The following CREB1 variants were observed in gnomAD, a reference collection of about 807,000 sequenced individuals.
The protein encoded by CREB1 is cyclic AMP-responsive element-binding protein 1.
A neutral mutation model predicts 42.0 loss-of-function variants in CREB1; 2 were observed. That is an observed-to-expected ratio of 0.05 (90% confidence interval 0.02 to 0.15). The LOEUF (loss-of-function observed/expected upper bound fraction) is 0.15, where lower values mean the gene tolerates loss of function less well. Ranked by LOEUF, CREB1 falls within the 10% of genes least tolerant of loss-of-function variation. The pLI, the probability that CREB1 is intolerant of heterozygous loss-of-function variation, is 1.00. For synonymous variants in CREB1, 123 were observed against 139.9 expected, an observed-to-expected ratio of 0.88 and a Z score of 0.85; for missense variants, 199 against 388.9, an observed-to-expected ratio of 0.51 and a Z score of 4.11.
intron 7 of CREB1, among the ~76,000 whole-genome samples, chr2:207,592,035 G>A (rs2085140350): frequency 6.6e-6 from 1 of 152,034 alleles, no homozygotes; most frequent in Admixed American, 6.5e-5. Context: ...TAGATCTTCT[G>A]GCAATGAATT....
At chr2:207,531,694 A>G (rs2106319335) in intron 1 of CREB1, among the ~76,000 whole-genome samples, 1 of 152,338 alleles carries the variant, frequency 6.6e-6, no homozygotes, top group African/African-American at 2.4e-5. Context: ...GTGGTGCAAA[A>G]GACGAACAAG....
chr2:207,531,073 T>C (rs2080601048), intron 1 of CREB1, among the ~76,000 whole-genome samples: 1 of 152,130 alleles, frequency 6.6e-6, no homozygotes, highest in South Asian at 2.1e-4. Flanking sequence ...TGGGATCTTA[T>C]AAAAGGGAAG....
At chr2:207,596,430 TG>T (rs1455574022) in intron 7 of CREB1, among the ~76,000 whole-genome samples, 4 of 152,212 alleles carry the variant, frequency 2.6e-5, no homozygotes, top group African/African-American at 7.2e-5. Context: ...TTTATGGAGT[TG>T]TTTTTTTGTT....
chr2:207,531,144 T>G (rs1028712190), intron 1 of CREB1, among the ~76,000 whole-genome samples: 1 of 152,190 alleles, frequency 6.6e-6, no homozygotes, highest in South Asian at 2.1e-4. Context: ...TCACTTGAGA[T>G]CTATCATTCT....
At chr2:207,562,811 A>G (rs894719323) in intron 3 of CREB1, among the ~76,000 whole-genome samples, 2 of 152,194 alleles carry the variant, frequency 1.3e-5, no homozygotes, top group African/African-American at 4.8e-5. Context: ...AGTTTCCAAA[A>G]TATACAAGGT....
At position 207,555,703 on chromosome 2, in the gene CREB1, A is replaced by G. The variant is rs761256671; in HGVS notation, c.68A>G (p.Gln23Arg). ...GDAAVTEAEN[Q>R]QMTVQAQPQI... ...GCAGCTGTAACAGAAGCTGAAAACC[A>G]ACAAATGACAGTTCAAGCCCAGCCA... The change falls in exon 2 of 8, where the codon CAA (glutamine) becomes CGA (arginine). Residue 23 changes from glutamine to arginine, a missense_variant. By Grantham distance (43) the Gln-to-Arg change is conservative (BLOSUM62 1). Transcript: ENST00000353267. 2.5e-6 allele frequency: 4 copies of G among 1,613,890 alleles called. No homozygotes were observed. Among genetic ancestry groups the G allele is most frequent in the Admixed American group, 1.7e-5 (1 of 60,000 alleles).
chr2:207,602,889 C>G lies in CREB1; in HGVS notation c.*5831C>G, dbSNP rs1024246025. 4 of 217,462 alleles carry G rather than the reference C, an allele frequency of 1.8e-5. No individual in the cohort carries two copies. Among genetic ancestry groups the G allele is most frequent in the Admixed American group, 1.2e-4 (2 of 17,176 alleles). 13.5% of individuals were successfully genotyped at this position (217,462 alleles called of 1,614,324 possible). On this transcript the variant is annotated 3_prime_UTR_variant, in exon 8 of 8. Transcript: ENST00000353267. ...TTGTCCACATGTCAGTTGTAACTCC[C>G]CCACTCCCTGCAAAAGGAATTATTT...
At chr2:207,584,906 A>C (rs759775615) in intron 7 of CREB1, among the ~76,000 whole-genome samples, 1 of 152,146 alleles carries the variant, frequency 6.6e-6, no homozygotes, top group Non-Finnish European at 1.5e-5. Context: ...GCAGAGCAAA[A>C]GGTTGCCATT....
chr2:207,570,340 C>A lies in CREB1; in HGVS notation c.505+19C>A. The A allele has an allele frequency of 6.3e-7, 1 of 1,575,470 alleles. No homozygotes were observed. The stretch of plus-strand genomic sequence containing the variant: ...CAGTATAGTGAGTAATAGACAATTT[C>A]TGTTTCTATTGTGAGGAGAAAAAAG... On this transcript the variant is annotated intron_variant, in intron 5 of 7. Transcript: ENST00000353267.
intron 7 of CREB1, among the ~76,000 whole-genome samples, chr2:207,589,683 G>A (rs2084587119): frequency 6.6e-6 from 1 of 151,974 alleles, no homozygotes; most frequent in Non-Finnish European, 1.5e-5. Flanking sequence ...GTTTAATCTT[G>A]TCAAATGCTT....
intron 3 of CREB1, 42 bp downstream of exon 3, chr2:207,560,414 G>A (rs756297101): frequency 3.8e-6 from 6 of 1,578,604 alleles, no homozygotes; most frequent in African/African-American, 2.7e-5. Context: ...AATAACTTTT[G>A]TTTATAGCCA....
In CREB1 at chr2:207,577,663, T is replaced by TA; in HGVS notation, c.839+9dup. ...CCGTCTAATGAAGAACAGGTACAAA[T>TA]ACTGCATTTACTTAGATTGTTATGT... On this transcript the variant is annotated intron_variant, in intron 7 of 7. Coordinates refer to ENST00000353267, the MANE Select transcript of CREB1 (RefSeq NM_004379.5). The TA allele has an allele frequency of 6.2e-7, 1 of 1,613,624 alleles. No individual in the cohort carries two copies. Among genetic ancestry groups the TA allele is most frequent in the South Asian group, 1.1e-5 (1 of 91,054 alleles).
chr2:207,538,439 T>C (rs2080963198), intron 1 of CREB1, among the ~76,000 whole-genome samples: 1 of 151,930 alleles, frequency 6.6e-6, no homozygotes, highest in Admixed American at 6.5e-5. Flanking sequence ...AACTTACAGA[T>C]GCTAAGTTGC....
intron 1 of CREB1, among the ~76,000 whole-genome samples, chr2:207,555,218 ACT>A (rs2081668957): frequency 6.6e-6 from 1 of 151,680 alleles, no homozygotes; most frequent in East Asian, 1.9e-4. Flanking sequence ...TATCTAATAA[ACT>A]CTGTCATCAT....
chr2:207,577,684 T>G (rs2082646879), intron 7 of CREB1, 29 bp downstream of exon 7: 1 of 1,611,882 alleles, frequency 6.2e-7, no homozygotes, highest in African/African-American at 1.3e-5. Flanking sequence ...CTTAGATTGT[T>G]ATGTGTTAAG....
chr2:207,548,540 C>T (rs1410667380), intron 1 of CREB1, among the ~76,000 whole-genome samples: 1 of 152,036 alleles, frequency 6.6e-6, no homozygotes, highest in Non-Finnish European at 1.5e-5. Flanking sequence ...CACCTAAGGT[C>T]AGGAGTTTGA....
At chr2:207,560,060 G>GT (rs752564824) in intron 2 of CREB1, among the ~76,000 whole-genome samples, 166 bp from the exon 3 acceptor site, 5 of 152,210 alleles carry the variant, frequency 3.3e-5, no homozygotes, top group East Asian at 3.9e-4. Flanking sequence ...TTTTTATAGT[G>GT]TTTTTTCTTA....
chr2:207,598,480 T>C lies in CREB1; in HGVS notation c.*1422T>C. 3 of 91,352 alleles carry C rather than the reference T, an allele frequency of 3.3e-5. No homozygotes were observed. Among genetic ancestry groups the C allele is most frequent in the East Asian group, 2.8e-4 (2 of 7,056 alleles). The allele number at this position is 91,352 out of a possible 1,614,324, so 5.7% of individuals were successfully genotyped here. ...CACTAAGCTCGATAAATCTAACAGTTACTCTTAAAAAAAAAAAAAAAAGAC... is the reference window on the plus strand; with the variant it reads ...CACTAAGCTCGATAAATCTAACAGTCACTCTTAAAAAAAAAAAAAAAAGAC... On this transcript the variant is annotated 3_prime_UTR_variant, in exon 8 of 8. Transcript: ENST00000353267.
At chr2:207,542,103 G>T (rs2081121445) in intron 1 of CREB1, among the ~76,000 whole-genome samples, 1 of 152,090 alleles carries the variant, frequency 6.6e-6, no homozygotes, top group African/African-American at 2.4e-5. Context: ...TGGACTTTTT[G>T]ATTATTATGA....
Sources: allele counts gnomAD v4.1 joint callset (sites outside exome capture counted in the v4.1 genomes callset), GRCh38; gene constraint gnomAD v4.1.1; transcripts MANE v1.5; gene names NCBI Gene and HGNC (gene_info 2026-07-23, HGNC 2026-07-21).